The following ANO10 variants were observed in gnomAD, a reference collection of about 807,000 sequenced individuals.
ANO10 encodes the protein anoctamin 10, also known as anoctamin-10.
Under a neutral mutation model 74.7 loss-of-function variants are expected in ANO10, and 77 were observed. The observed-to-expected ratio is 1.03, with a 90% CI of 0.86 to 1.25. The LOEUF is 1.25. Among genes scored for constraint, ANO10 ranks in the 50% most tolerant of loss-of-function variants. The pLI, the probability that ANO10 is intolerant of heterozygous loss-of-function variation, is 0.00. For missense variants in ANO10, 721 were observed against 778.1 expected (o/e 0.93, Z 0.87); for synonymous variants, 279 against 284.9 (o/e 0.98, Z 0.21).
chr3:43,623,620 C>T (rs558206960), upstream of ANO10, among the ~76,000 whole-genome samples: 79 of 152,316 alleles, frequency 5.2e-4, no homozygotes, highest in African/African-American at 1.8e-3. Context: ...AACTGCAGTG[C>T]GGAGAAGGCT....
intron 12 of ANO10, among the ~76,000 whole-genome samples, chr3:43,372,417 G>T (rs1006966497): frequency 1.3e-5 from 2 of 152,150 alleles, no homozygotes; most frequent in African/African-American, 4.8e-5. Flanking sequence ...CCACTCCAAG[G>T]TCCCTACCAT....
intron 11 of ANO10, among the ~76,000 whole-genome samples, chr3:43,470,081 G>C (rs1054633140): frequency 1.3e-5 from 2 of 152,206 alleles, no homozygotes; most frequent in African/African-American, 4.8e-5. Context: ...GAAGCAATTA[G>C]AATGTCTTTC....
At chr3:43,671,513 T>C (rs1401761756) in intron 1 of ANO10, among the ~76,000 whole-genome samples, 1 of 152,146 alleles carries the variant, frequency 6.6e-6, no homozygotes, top group Non-Finnish European at 1.5e-5. Context: ...TTCAATTATT[T>C]TGGAAAACCA....
At chr3:43,640,282 C>T (rs2083658785) in intron 1 of ANO10, among the ~76,000 whole-genome samples, 1 of 152,168 alleles carries the variant, frequency 6.6e-6, no homozygotes, top group South Asian at 2.1e-4. Context: ...TGAAGCTGCA[C>T]CACTCAACCA....
chr3:43,370,368 A>C (rs920587031), intron 12 of ANO10, among the ~76,000 whole-genome samples: 2 of 152,158 alleles, frequency 1.3e-5, no homozygotes, highest in Non-Finnish European at 2.9e-5. Context: ...CAGGCTTGCA[A>C]GTCTCTGATT....
At chr3:43,372,604 C>T (rs1167899416) in intron 12 of ANO10, 1 of 486,358 alleles carries the variant, frequency 2.1e-6, no homozygotes, top group Non-Finnish European at 3.7e-6. Flanking sequence ...CCTCCTCATC[C>T]CTCTATTTCC....
chr3:43,531,368 T>C (rs1206098353), intron 11 of ANO10, among the ~76,000 whole-genome samples: 1 of 152,218 alleles, frequency 6.6e-6, no homozygotes, highest in Non-Finnish European at 1.5e-5. Flanking sequence ...TCCAGCTTTT[T>C]CAAATTATTT....
At chr3:43,472,230 T>C (rs2075885525) in intron 11 of ANO10, among the ~76,000 whole-genome samples, 1 of 151,972 alleles carries the variant, frequency 6.6e-6, no homozygotes, top group Non-Finnish European at 1.5e-5. Flanking sequence ...TGGTTAAGGG[T>C]AGGGAGAGAG....
At chr3:43,679,101 G>A (rs1321499477) in intron 1 of ANO10, among the ~76,000 whole-genome samples, 1 of 152,180 alleles carries the variant, frequency 6.6e-6, no homozygotes, top group African/African-American at 2.4e-5. Context: ...GTGCAGGACA[G>A]TGGGTGCAGT....
chr3:43,597,915 C>CA (rs923446432), intron 4 of ANO10, among the ~76,000 whole-genome samples: 2 of 150,786 alleles, frequency 1.3e-5, no homozygotes, highest in Non-Finnish European at 2.9e-5. Context: ...AAGACTGTCT[C>CA]AAAAAAACAA....
chr3:43,453,988 A>G (rs936236262), intron 11 of ANO10, among the ~76,000 whole-genome samples: 1 of 152,242 alleles, frequency 6.6e-6, no homozygotes, highest in Admixed American at 6.5e-5. Context: ...TAATTAAACT[A>G]TTCATAAGTA....
At chr3:43,451,351 T>C in intron 11 of ANO10, among the ~76,000 whole-genome samples, 1 of 152,190 alleles carries the variant, frequency 6.6e-6, no homozygotes, top group East Asian at 1.9e-4. Context: ...TGGAAAATAA[T>C]AACCTGGCCA....
At chr3:43,651,871 C>T (rs1175361394) in intron 1 of ANO10, among the ~76,000 whole-genome samples, 1 of 152,130 alleles carries the variant, frequency 6.6e-6, no homozygotes, top group Non-Finnish European at 1.5e-5. Context: ...TCCTACAATA[C>T]AGTCTAGGGT....
chr3:43,669,970 C>A (rs1028442591), intron 1 of ANO10, among the ~76,000 whole-genome samples: 3 of 152,194 alleles, frequency 2.0e-5, no homozygotes, highest in Middle Eastern at 3.4e-3. Flanking sequence ...ATGATCCACC[C>A]GCCTAGGCCT....
chr3:43,604,504 CTT>C (rs549252213), intron 2 of ANO10, among the ~76,000 whole-genome samples: 13 of 142,100 alleles, frequency 9.1e-5, no homozygotes, highest in Admixed American at 2.1e-4. Flanking sequence ...CTTGTATCTT[CTT>C]TTTTTTTTTT....
intron 9 of ANO10, among the ~76,000 whole-genome samples, chr3:43,558,010 T>C (rs1326905548): frequency 6.7e-6 from 1 of 148,200 alleles, no homozygotes; most frequent in African/African-American, 2.5e-5. Flanking sequence ...GAGGCTGAGG[T>C]AGAAGGATCG....
intron 11 of ANO10, among the ~76,000 whole-genome samples, chr3:43,503,909 A>AG (rs2077187755): frequency 6.6e-6 from 1 of 152,058 alleles, no homozygotes. Flanking sequence ...AGCAAATCTG[A>AG]ATAAGGCTGC....
rs140104986 is a variant in ANO10 at position 43,664,378 on chromosome 3, A to C, written c.-12+27139T>G. On this transcript the variant is annotated intron_variant, in intron 1 of 3. Coordinates refer to the ANO10 transcript ENST00000413397. The stretch of plus-strand genomic sequence containing the variant: ...TTCCTTACACCTTATATAAAAATCA[A>C]CTCAAGATGGATCAAAGACTAAAAC... Among the ~76,000 whole-genome samples, 6 of 152,210 alleles carry C rather than the reference A, an allele frequency of 3.9e-5. No homozygotes were observed. In the East Asian group the frequency reaches 1.2e-3, roughly 29 times the overall value.
intron 1 of ANO10, among the ~76,000 whole-genome samples, chr3:43,688,182 G>A (rs1360835258): frequency 6.6e-6 from 1 of 151,748 alleles, no homozygotes; most frequent in Non-Finnish European, 1.5e-5. Context: ...CTTTTTTTGT[G>A]ACTGTGCAGC....
Sources: gnomAD v4.1 joint callset for allele counts (sites outside exome capture counted in the v4.1 genomes callset) on GRCh38, gnomAD v4.1.1 for gene constraint, MANE v1.5 for transcripts, NCBI Gene and HGNC (gene_info 2026-07-23, HGNC 2026-07-21) for gene names.